The following LIN54 variants were observed in gnomAD, a reference collection of about 807,000 sequenced individuals.
LIN54 encodes the protein lin-54 DREAM MuvB core complex component.
LIN54 carries 9 observed loss-of-function variants against 78.7 expected under a neutral mutation model. The ratio of observed to expected loss-of-function variants is 0.11; its 90% CI spans 0.07 to 0.20. The LOEUF (loss-of-function observed/expected upper bound fraction) is 0.20, where lower values mean the gene tolerates loss of function less well. Among genes scored for constraint, LIN54 ranks in the 10% least tolerant of loss-of-function variants. The probability of loss-of-function intolerance (pLI) is 1.00; values close to 1 mark genes in which losing one functional copy is unlikely to be tolerated. For missense variants in LIN54, 573 were observed against 889.9 expected (o/e 0.64, Z 4.53); for synonymous variants, 269 against 318.4 (o/e 0.84, Z 1.65).
intron 4 of LIN54, among the ~76,000 whole-genome samples, chr4:82,947,207 TTA>T (rs1207992875): frequency 1.7e-4 from 13 of 76,220 alleles, no homozygotes; most frequent in African/African-American, 6.2e-4. Context: ...AAAAAAAAAT[TTA>T]TATATATATA....
chr4:82,943,384 A>T (rs909684423), intron 5 of LIN54, among the ~76,000 whole-genome samples: 1 of 152,170 alleles, frequency 6.6e-6, no homozygotes, highest in South Asian at 2.1e-4. Context: ...GCCTTTGAAC[A>T]TTAGTTCTTG....
intron 1 of LIN54, among the ~76,000 whole-genome samples, chr4:82,998,628 CAGAGAAAGAAAAAGAA>C (rs1184258019): frequency 4.6e-5 from 7 of 151,128 alleles, no homozygotes; most frequent in Non-Finnish European, 1.5e-5. Context: ...GAGAAAGAAA[CAGAGAAAGAAAAAGAA>C]AGAGAAAGAA....
chr4:82,986,368 T>C (rs964426032), intron 1 of LIN54, among the ~76,000 whole-genome samples: 3 of 152,062 alleles, frequency 2.0e-5, no homozygotes, highest in Non-Finnish European at 4.4e-5. Context: ...CTGCCCACGC[T>C]GGCCTCCCAA....
intron 1 of LIN54, among the ~76,000 whole-genome samples, chr4:82,992,921 G>A (rs542699501): frequency 5.9e-5 from 9 of 151,576 alleles, no homozygotes; most frequent in African/African-American, 1.9e-4. Context: ...CCAGCTACTC[G>A]GGAGGCTGAG....
At chr4:82,966,801 G>A (rs1725239655) in intron 4 of LIN54, among the ~76,000 whole-genome samples, 1 of 151,930 alleles carries the variant, frequency 6.6e-6, no homozygotes, top group Non-Finnish European at 1.5e-5. Context: ...GTAGAGACAG[G>A]GTTTCACCAT....
intron 1 of LIN54, among the ~76,000 whole-genome samples, chr4:83,006,751 C>T (rs1187650651): frequency 1.3e-5 from 2 of 152,136 alleles, no homozygotes; most frequent in African/African-American, 4.8e-5. Context: ...GGTGAGCTTC[C>T]TTAACTTTGT....
chr4:82,973,995 G>A (rs1725906286), intron 3 of LIN54, among the ~76,000 whole-genome samples: 1 of 152,152 alleles, frequency 6.6e-6, no homozygotes, highest in Admixed American at 6.5e-5. Context: ...TGGATCACGA[G>A]GTCAGGAGAT....
intron 1 of LIN54, among the ~76,000 whole-genome samples, chr4:83,004,178 G>A (rs538004666): frequency 6.6e-6 from 1 of 152,016 alleles, no homozygotes; most frequent in South Asian, 2.1e-4. Flanking sequence ...TGGACAGATT[G>A]CGAGGTCAGG....
At chr4:82,956,813 G>C (rs1176033988) in intron 4 of LIN54, among the ~76,000 whole-genome samples, 1 of 152,054 alleles carries the variant, frequency 6.6e-6, no homozygotes, top group Non-Finnish European at 1.5e-5. Flanking sequence ...CATAGAGACA[G>C]GGTCTCACTA....
intron 3 of LIN54, among the ~76,000 whole-genome samples, chr4:82,976,301 T>C (rs984998738): frequency 6.6e-6 from 1 of 150,740 alleles, no homozygotes; most frequent in African/African-American, 2.4e-5. Context: ...TTTAGAAAAA[T>C]CGCTTATACA....
rs766852662 is a variant in LIN54 at position 82,935,972 on chromosome 4, G to A, written c.1845+9C>T. 1.7e-5 allele frequency: 28 copies of A among 1,612,982 alleles called. No homozygotes were observed. Among genetic ancestry groups the A allele is most frequent in the Non-Finnish European group, 2.1e-5 (25 of 1,179,198 alleles). ...TAAAAGATATTATTTTCCGCACCCAGCATCTCACCTCATAGCATTCACAGT... is the reference window on the plus strand; with the variant it reads ...TAAAAGATATTATTTTCCGCACCCAACATCTCACCTCATAGCATTCACAGT... On this transcript the variant is annotated intron_variant, in intron 11 of 12. Transcript: ENST00000340417.
intron 1 of LIN54, among the ~76,000 whole-genome samples, chr4:82,993,454 G>C (rs1365466385): frequency 6.6e-6 from 1 of 151,874 alleles, no homozygotes; most frequent in Non-Finnish European, 1.5e-5. Flanking sequence ...CAGACCTCAG[G>C]TGATCCGCCT....
chr4:83,005,359 C>T (rs886568078), intron 1 of LIN54, among the ~76,000 whole-genome samples: 2 of 151,812 alleles, frequency 1.3e-5, no homozygotes, highest in East Asian at 1.9e-4. Flanking sequence ...AAACAGGGGC[C>T]GGGCACGGTG....
intron 4 of LIN54, among the ~76,000 whole-genome samples, chr4:82,962,780 T>C (rs953428973): frequency 7.2e-6 from 1 of 139,648 alleles, no homozygotes; most frequent in Non-Finnish European, 1.5e-5. Flanking sequence ...ATCAAAATTA[T>C]ATTAATTGAA....
At chr4:83,010,911 G>T (rs2057417967), upstream of LIN54, 1 of 949,214 alleles carries the variant, frequency 1.1e-6, no homozygotes, top group Non-Finnish European at 1.3e-6. Flanking sequence ...CCGCCGCCCC[G>T]CCAACCTTCA....
chr4:82,987,177 G>T (rs1279389417), intron 1 of LIN54, among the ~76,000 whole-genome samples: 2 of 152,316 alleles, frequency 1.3e-5, no homozygotes, highest in East Asian at 3.9e-4. Context: ...TGTAATTCCA[G>T]CTACTCAGAA....
chr4:82,997,110 T>C (rs1312633805), intron 1 of LIN54, among the ~76,000 whole-genome samples: 1 of 152,074 alleles, frequency 6.6e-6, no homozygotes, highest in African/African-American at 2.4e-5. Flanking sequence ...CCTGTGCCTA[T>C]AACAGAGCTG....
rs182389612 is a variant in LIN54 at position 83,001,583 on chromosome 4, C to T, written c.-33+8901G>A. ...AAAAGAAGCCGGGCGCAGTGGCTCA[C>T]GCCTGTAATCCCAGCACCTTGGGAG... On this transcript the variant is annotated intron_variant, in intron 1 of 12. Coordinates refer to ENST00000340417, the MANE Select transcript of LIN54 (RefSeq NM_194282.4). Among the ~76,000 whole-genome samples the T allele has an allele frequency of 6.6e-3, 996 of 151,230 alleles. 18 individuals are homozygous for T. Among genetic ancestry groups the T allele is most frequent in the African/African-American group, 0.023 (940 of 41,172 alleles).
intron 5 of LIN54, among the ~76,000 whole-genome samples, chr4:82,944,518 A>G (rs1723195840): frequency 6.6e-6 from 1 of 152,164 alleles, no homozygotes; most frequent in Non-Finnish European, 1.5e-5. Context: ...GATTATGATA[A>G]TGATTTTATT....
Sources: gnomAD v4.1 joint callset for allele counts (sites outside exome capture counted in the v4.1 genomes callset) on GRCh38, gnomAD v4.1.1 for gene constraint, MANE v1.5 for transcripts, NCBI Gene and HGNC (gene_info 2026-07-23, HGNC 2026-07-21) for gene names.